Variants in MTDH observed in about 807,000 individuals in gnomAD.
The protein encoded by MTDH is protein LYRIC.
In MTDH, 34 loss-of-function variants were observed where a neutral mutation model predicts 72.7. The ratio of observed to expected loss-of-function variants is 0.47; its 90% CI spans 0.36 to 0.62. MTDH has a LOEUF of 0.62. Among genes scored for constraint, MTDH ranks in the 20% least tolerant of loss-of-function variants. MTDH has a pLI of 0.00. For synonymous variants in MTDH, 266 were observed against 268.9 expected (o/e 0.99, Z 0.10); for missense variants, 677 against 699.4 (o/e 0.97, Z 0.36).
intron 2 of MTDH, among the ~76,000 whole-genome samples, chr8:97,675,388 C>T (rs1812793550): frequency 6.6e-6 from 1 of 151,714 alleles, no homozygotes; most frequent in Non-Finnish European, 1.5e-5. Flanking sequence ...TGGCGAAACC[C>T]AGTCTCTACT....
chr8:97,728,141 T>G lies in MTDH; in HGVS notation c.*3471T>G, dbSNP rs562112778. On this transcript the variant is annotated 3_prime_UTR_variant, in exon 12 of 12. Coordinates refer to ENST00000336273, the MANE Select transcript of MTDH (RefSeq NM_178812.4). ...TTAGGTTTAAGATGTCTACTAGATA[T>G]CTTTAAGATTTTCCTGTAAACTCAC... 6.6e-5 allele frequency: 10 copies of G among 152,264 alleles called. No homozygotes were observed. The highest frequency in any genetic ancestry group is 1.2e-4 in the Non-Finnish European group (8 of 68,020). 9.4% of individuals were successfully genotyped at this position (152,264 alleles called of 1,614,324 possible).
intron 9 of MTDH, among the ~76,000 whole-genome samples, chr8:97,714,108 A>G (rs1814750081): frequency 6.6e-6 from 1 of 152,226 alleles, no homozygotes; most frequent in Non-Finnish European, 1.5e-5. Context: ...CATTTAGCAC[A>G]CATAGAAAAA....
intron 9 of MTDH, among the ~76,000 whole-genome samples, chr8:97,715,555 T>C (rs559495183): frequency 1.3e-5 from 2 of 152,376 alleles, no homozygotes; most frequent in South Asian, 2.1e-4. Context: ...TGCTTGCTTT[T>C]TCAGTAGTCA....
chr8:97,674,904 G>A (rs114842735), intron 2 of MTDH, among the ~76,000 whole-genome samples: 4,781 of 151,776 alleles, frequency 0.032, 278 homozygotes, highest in African/African-American at 0.11. Flanking sequence ...TTGCCCTCCC[G>A]GGCTCAAGTG....
chr8:97,698,393 A>G (rs1236853747), intron 6 of MTDH, among the ~76,000 whole-genome samples: 10 of 152,222 alleles, frequency 6.6e-5, no homozygotes, highest in Non-Finnish European at 1.2e-4. Flanking sequence ...TTGACCTGGC[A>G]TCAGTGAACT....
chr8:97,667,120 A>G (rs1431243171), intron 2 of MTDH, among the ~76,000 whole-genome samples: 1 of 152,194 alleles, frequency 6.6e-6, no homozygotes, highest in East Asian at 1.9e-4. Flanking sequence ...CCTCCCAAGT[A>G]GCTGGGACTG....
At chr8:97,682,877 A>T (rs1472778977) in intron 2 of MTDH, among the ~76,000 whole-genome samples, 1 of 151,886 alleles carries the variant, frequency 6.6e-6, no homozygotes, top group Non-Finnish European at 1.5e-5. Context: ...GGTGGGGAAC[A>T]GGGTTTAGAA....
At chr8:97,701,002 G>C (rs954811888) in intron 7 of MTDH, among the ~76,000 whole-genome samples, 1 of 152,136 alleles carries the variant, frequency 6.6e-6, no homozygotes, top group South Asian at 2.1e-4. Context: ...AGGTTAGGGG[G>C]CTGGGGGTTT....
At chr8:97,650,181 T>A (rs1209909752) in intron 1 of MTDH, among the ~76,000 whole-genome samples, 4 of 144,128 alleles carry the variant, frequency 2.8e-5, no homozygotes, top group Admixed American at 1.4e-4. Flanking sequence ...TGGTCTCGAT[T>A]TCCTGACCTC....
At chr8:97,645,018 A>C (rs1811510321) in intron 1 of MTDH, 131 bp downstream of exon 1, 1 of 1,033,532 alleles carries the variant, frequency 9.7e-7, no homozygotes, top group Non-Finnish European at 1.3e-6. Flanking sequence ...CAGCACTCCC[A>C]AGTGGAGGAG....
Position 97,682,247 on chromosome 8 carries a change from TATATATATATATATATATATATATA to T in MTDH, c.484-4420_484-4396del, listed in dbSNP as rs1563542300. Among the ~76,000 whole-genome samples the T allele has an allele frequency of 3.7e-3, 25 of 6,764 alleles. 1 individual carries two copies. Among genetic ancestry groups the T allele is most frequent in the East Asian group, 0.026 (9 of 352 alleles). The allele number at this position is 6,764 out of a possible 152,430, so 4.4% of individuals were successfully genotyped here. A position where few individuals can be genotyped will look rare whatever the true frequency, so the allele number is the denominator to read the frequency against. On this transcript the variant is annotated intron_variant, in intron 2 of 11. Coordinates refer to ENST00000336273, the MANE Select transcript of MTDH (RefSeq NM_178812.4). The stretch of plus-strand genomic sequence containing the variant: ...TAATTACTTTATATATATATATATA[TATATATATATATATATATATATATA>T]TATATATATTTTTTTTTTTTTTTTT...
intron 2 of MTDH, among the ~76,000 whole-genome samples, chr8:97,678,825 T>C (rs1345598983): frequency 6.6e-6 from 1 of 152,118 alleles, no homozygotes; most frequent in Non-Finnish European, 1.5e-5. Flanking sequence ...CAGATACTTT[T>C]ACAAAGAATT....
intron 1 of MTDH, among the ~76,000 whole-genome samples, chr8:97,657,575 C>T (rs1812028120): frequency 6.6e-6 from 1 of 152,034 alleles, no homozygotes; most frequent in Non-Finnish European, 1.5e-5. Flanking sequence ...GCAGTCACAG[C>T]TCACTGCAGC....
chr8:97,698,780 A>C (rs978759187), intron 6 of MTDH, among the ~76,000 whole-genome samples: 1 of 152,228 alleles, frequency 6.6e-6, no homozygotes, highest in Non-Finnish European at 1.5e-5. Flanking sequence ...TAAAATGATC[A>C]ATGGCAGAGA....
chr8:97,672,789 G>A (rs755987484), intron 2 of MTDH, among the ~76,000 whole-genome samples: 5 of 152,224 alleles, frequency 3.3e-5, no homozygotes, highest in African/African-American at 7.2e-5. Context: ...TGTGAGAACC[G>A]TATCTGGGGA....
At chr8:97,699,436 CAA>C (rs533580426) in intron 6 of MTDH, among the ~76,000 whole-genome samples, 5,702 of 127,840 alleles carry the variant, frequency 0.045, 364 homozygotes, top group African/African-American at 0.15. Flanking sequence ...GATCCTGTCT[CAA>C]AAAAAAAAAA....
At chr8:97,666,696 A>G (rs1363439569) in intron 2 of MTDH, among the ~76,000 whole-genome samples, 1 of 152,022 alleles carries the variant, frequency 6.6e-6, no homozygotes, top group Non-Finnish European at 1.5e-5. Flanking sequence ...CACTCATTAT[A>G]TTCTTGTTTT....
intron 7 of MTDH, among the ~76,000 whole-genome samples, chr8:97,704,899 C>T (rs1263638793): frequency 6.6e-6 from 1 of 152,190 alleles, no homozygotes; most frequent in Middle Eastern, 3.4e-3. Context: ...ACAAATTTGT[C>T]CTTCTAGATA....
At chr8:97,659,313 A>G (rs1022353233) in intron 1 of MTDH, among the ~76,000 whole-genome samples, 5 of 152,174 alleles carry the variant, frequency 3.3e-5, no homozygotes, top group Non-Finnish European at 4.4e-5. Flanking sequence ...AAGAGGGATT[A>G]GAAGAGGCAA....
Sources: gnomAD v4.1 joint callset for allele counts (sites outside exome capture counted in the v4.1 genomes callset) on GRCh38, gnomAD v4.1.1 for gene constraint, MANE v1.5 for transcripts, NCBI Gene and HGNC (gene_info 2026-07-23, HGNC 2026-07-21) for gene names.